Variants in OXCT1 observed in about 807,000 individuals in gnomAD.
OXCT1 encodes the protein 3-oxoacid CoA-transferase 1.
Under a neutral mutation model 69.6 loss-of-function variants are expected in OXCT1, and 27 were observed. The observed-to-expected ratio is 0.39, with a 90% CI of 0.29 to 0.54. The LOEUF (loss-of-function observed/expected upper bound fraction) is 0.54, where lower values mean the gene tolerates loss of function less well. Among genes scored for constraint, OXCT1 ranks in the 20% least tolerant of loss-of-function variants. OXCT1 has a pLI of 0.72. For synonymous variants in OXCT1, 202 were observed against 217.8 expected (o/e 0.93, Z 0.64); for missense variants, 437 against 650.2 (o/e 0.67, Z 3.57).
chr5:41,750,135 GTTTTTTTTTTTTTTTT>G (rs11291155), intron 14 of OXCT1, among the ~76,000 whole-genome samples: 3 of 73,924 alleles, frequency 4.1e-5, no homozygotes, highest in Non-Finnish European at 7.5e-5. Context: ...GTGTTTTTTG[GTTTTTTTTTTTTTTTT>G]TTTTTTTTTA....
intron 13 of OXCT1, among the ~76,000 whole-genome samples, chr5:41,771,816 G>GT (rs1214209110): frequency 1.3e-5 from 2 of 152,188 alleles, no homozygotes; most frequent in Non-Finnish European, 2.9e-5. Context: ...CCAGGGATAA[G>GT]TTATTTTCTT....
intron 13 of OXCT1, among the ~76,000 whole-genome samples, chr5:41,766,997 T>TA (rs1744635771): frequency 6.6e-6 from 1 of 152,140 alleles, no homozygotes; most frequent in East Asian, 1.9e-4. Context: ...AATCCAAATG[T>TA]AAGCCTCTTT....
At chr5:41,763,410 C>T (rs879556201) in intron 13 of OXCT1, among the ~76,000 whole-genome samples, 2 of 152,092 alleles carry the variant, frequency 1.3e-5, no homozygotes, top group African/African-American at 2.4e-5. Flanking sequence ...TGTGGAAATG[C>T]ATACTTTTAA....
intron 2 of OXCT1, 39 bp from the exon 3 acceptor site, chr5:41,861,443 G>A (rs1749733484): frequency 8.9e-7 from 1 of 1,124,900 alleles, no homozygotes. Context: ...TGTAAAGGGG[G>A]TAACAATGTT....
chr5:41,835,168 AAG>A (rs1388526211), intron 7 of OXCT1, among the ~76,000 whole-genome samples: 3 of 152,190 alleles, frequency 2.0e-5, no homozygotes, highest in African/African-American at 7.2e-5. Context: ...AAGAAATTCA[AAG>A]AGTCGTTAGT....
chr5:41,843,410 T>C (rs527451920), intron 5 of OXCT1, among the ~76,000 whole-genome samples: 11 of 152,318 alleles, frequency 7.2e-5, no homozygotes, highest in Non-Finnish European at 1.2e-4. Flanking sequence ...GGTTTATTTA[T>C]AGGTACTTAG....
At chr5:41,775,730 G>A (rs1433453529) in intron 13 of OXCT1, among the ~76,000 whole-genome samples, 7 of 151,960 alleles carry the variant, frequency 4.6e-5, no homozygotes, top group Non-Finnish European at 2.9e-5. Flanking sequence ...GCTACTTAAG[G>A]GCCCACTGAG....
chr5:41,858,540 A>G (rs1343207304), intron 3 of OXCT1, among the ~76,000 whole-genome samples: 3 of 152,218 alleles, frequency 2.0e-5, no homozygotes, highest in Admixed American at 6.5e-5. Context: ...CTGCATCATA[A>G]CAAACCTGGG....
chr5:41,843,998 T>A (rs999195577), intron 5 of OXCT1, among the ~76,000 whole-genome samples: 2 of 152,188 alleles, frequency 1.3e-5, no homozygotes, highest in Non-Finnish European at 1.5e-5. Context: ...TCACTGTAAA[T>A]ACCAACAATG....
rs185518290 is a variant in OXCT1 at position 41,825,322 on chromosome 5, G to A, written c.732+15129C>T. Among the ~76,000 whole-genome samples the A allele has an allele frequency of 9.2e-5, 14 of 152,242 alleles. No individual in the cohort carries two copies. In the East Asian group the frequency reaches 1.5e-3, roughly 17 times the overall value. On this transcript the variant is annotated intron_variant, in intron 7 of 16. Transcript: ENST00000196371. Reference sequence around the variant, plus strand: ...TTAAACTTGAAAAAGCTGAACCAGAGAAGGTAAACTCTAGTCTTAGACATG... The same window carrying A: ...TTAAACTTGAAAAAGCTGAACCAGAAAAGGTAAACTCTAGTCTTAGACATG...
chr5:41,796,685 T>G (rs1398959458), intron 11 of OXCT1, among the ~76,000 whole-genome samples: 1 of 152,228 alleles, frequency 6.6e-6, no homozygotes. Flanking sequence ...TTGTATCTTT[T>G]AAAGTACACA....
At chr5:41,803,252 T>A in intron 9 of OXCT1, 89 bp from the exon 10 acceptor site, 1 of 861,608 alleles carries the variant, frequency 1.2e-6, no homozygotes, top group Non-Finnish European at 2.0e-6. Flanking sequence ...GAACAGAAGC[T>A]TTATTTAAAG....
chr5:41,751,296 G>A (rs1270197248), intron 14 of OXCT1, among the ~76,000 whole-genome samples: 1 of 152,000 alleles, frequency 6.6e-6, no homozygotes, highest in Non-Finnish European at 1.5e-5. Flanking sequence ...CTCTTACTTA[G>A]TTCTCATTAT....
intron 15 of OXCT1, among the ~76,000 whole-genome samples, chr5:41,745,709 A>G (rs556507167): frequency 6.6e-6 from 1 of 152,304 alleles, no homozygotes; most frequent in South Asian, 2.1e-4. Context: ...AAAAAATGAT[A>G]AAGGGGATAT....
In OXCT1 at chr5:41,788,952, A is replaced by C. The variant is rs148840484; in HGVS notation, c.1248+5051T>G. ...TGACCTCAAAAGAATTAAACTGAAA[A>C]ATTTTTAAAAAGTTATGTGGAAAAT... On this transcript the variant is annotated intron_variant, in intron 13 of 16. Coordinates refer to ENST00000196371, the MANE Select transcript of OXCT1 (RefSeq NM_000436.4). Among the ~76,000 whole-genome samples, 428 of 152,322 alleles carry C rather than the reference A, an allele frequency of 2.8e-3. 3 individuals carry two copies. The highest frequency in any genetic ancestry group is 3.4e-3 in the Non-Finnish European group (230 of 68,020).
chr5:41,840,043 T>C (rs1748551411), intron 7 of OXCT1, among the ~76,000 whole-genome samples: 1 of 152,246 alleles, frequency 6.6e-6, no homozygotes, highest in South Asian at 2.1e-4. Flanking sequence ...AAAGTAGTTA[T>C]ATGTGCAATG....
chr5:41,802,184 G>A (rs1346245903), intron 10 of OXCT1, among the ~76,000 whole-genome samples: 1 of 151,898 alleles, frequency 6.6e-6, no homozygotes, highest in East Asian at 1.9e-4. Context: ...TATCATTTTT[G>A]TGTCTTTGAA....
chr5:41,814,765 A>C (rs906818132), intron 7 of OXCT1, among the ~76,000 whole-genome samples: 15 of 150,592 alleles, frequency 1.0e-4, no homozygotes, highest in Admixed American at 5.3e-4. Flanking sequence ...TGGGAGATAT[A>C]CCTAATGCTA....
chr5:41,823,881 C>T (rs915172250), intron 7 of OXCT1, among the ~76,000 whole-genome samples: 1 of 152,108 alleles, frequency 6.6e-6, no homozygotes. Flanking sequence ...GGAGATTATC[C>T]TATTTCATAT....
Sources: allele counts gnomAD v4.1 joint callset (sites outside exome capture counted in the v4.1 genomes callset), GRCh38; gene constraint gnomAD v4.1.1; transcripts MANE v1.5; gene names NCBI Gene and HGNC (gene_info 2026-07-23, HGNC 2026-07-21).